CYP24A1: variants seen among roughly 807,000 people sequenced by gnomAD.
The protein encoded by CYP24A1 is 1,25-dihydroxyvitamin D(3) 24-hydroxylase, mitochondrial.
CYP24A1 carries 68 observed loss-of-function variants against 62.4 expected under a neutral mutation model. The observed-to-expected ratio is 1.09, with a 90% confidence interval of 0.90 to 1.33. The LOEUF (loss-of-function observed/expected upper bound fraction) is 1.33. Ranked by LOEUF, CYP24A1 falls within the 40% of genes most tolerant of loss-of-function variation. The pLI, the probability that CYP24A1 is intolerant of heterozygous loss-of-function variation, is 0.00. For synonymous variants in CYP24A1, 267 were observed against 253.0 expected (o/e 1.06, Z -0.52); for missense variants, 787 against 653.0 (o/e 1.21, Z -2.24).
At chr20:54,166,152 C>A (rs3787555) in intron 4 of CYP24A1, among the ~76,000 whole-genome samples, 35,610 of 152,078 alleles carry the variant, frequency 0.23, 4,769 homozygotes, top group East Asian at 0.62. Flanking sequence ...GGTCTGCACT[C>A]TGCCTCTAAC....
the CYP24A1 span, among the ~76,000 whole-genome samples, chr20:54,147,040 A>G: frequency 6.6e-6 from 1 of 152,222 alleles, no homozygotes; most frequent in Non-Finnish European, 1.5e-5. Context: ...TGATAGATTC[A>G]TTGACTGACC....
chr20:54,144,359 C>G, the CYP24A1 span, among the ~76,000 whole-genome samples: 1 of 151,892 alleles, frequency 6.6e-6, no homozygotes, highest in African/African-American at 2.4e-5. Context: ...AAGTGATCCT[C>G]CTACCTCAGT....
At position 54,173,356 on chromosome 20, in the gene CYP24A1, C is replaced by T; in HGVS notation, c.224G>A (p.Trp75Ter). The change falls in exon 1 of 12, where the codon TGG (tryptophan) becomes TAG (stop). Residue 75 changes from tryptophan (W) to a stop codon, truncating the protein, a stop_gained. Transcript: ENST00000216862. LOFTEE classifies it high-confidence loss of function. This position sits in a 1 kb window ranked among gnomAD's most constrained non-coding sequence, Gnocchi z 7.2. ...GTGCTGTTTCTTGAGACCCCCTTTCCAGAGAATCTGCAGCAGGCTGCCCAG... is the reference window on the plus strand; with the variant it reads ...GTGCTGTTTCTTGAGACCCCCTTTCTAGAGAATCTGCAGCAGGCTGCCCAG... ...PLLGSLLQIL[W>*]KGGLKKQHDT... 2 of 1,606,296 alleles carry T rather than the reference C, an allele frequency of 1.2e-6. No individual in the cohort carries two copies. Among genetic ancestry groups the T allele is most frequent in the Non-Finnish European group, 8.5e-7 (1 of 1,175,854 alleles).
chr20:54,149,955 C>T (rs910296258), downstream of CYP24A1, among the ~76,000 whole-genome samples: 1 of 152,100 alleles, frequency 6.6e-6, no homozygotes, highest in African/African-American at 2.4e-5. Flanking sequence ...GTTGTTTTCA[C>T]CCACTAGAGC....
At chr20:54,146,426 C>A in the CYP24A1 span, among the ~76,000 whole-genome samples, 2 of 152,168 alleles carry the variant, frequency 1.3e-5, no homozygotes, top group Non-Finnish European at 2.9e-5. Flanking sequence ...ATCCAGAGGA[C>A]CGCTACCGGT....
intron 7 of CYP24A1, among the ~76,000 whole-genome samples, chr20:54,160,757 C>A (rs1436223388): frequency 6.6e-6 from 1 of 152,206 alleles, no homozygotes; most frequent in Non-Finnish European, 1.5e-5. Context: ...TCCCTCACCG[C>A]AAGTACCAAA....
At chr20:54,162,303 T>C (rs1014864296) in intron 7 of CYP24A1, among the ~76,000 whole-genome samples, 1 of 133,338 alleles carries the variant, frequency 7.5e-6, no homozygotes, top group Admixed American at 8.4e-5. Flanking sequence ...CATGTGCAAC[T>C]GAACAAAATA....
At chr20:54,155,786 A>T (rs2092625878) in intron 11 of CYP24A1, among the ~76,000 whole-genome samples, 1 of 151,618 alleles carries the variant, frequency 6.6e-6, no homozygotes, top group Non-Finnish European at 1.5e-5. Context: ...CTAACTTTTG[A>T]TCACTTCAAT....
At chr20:54,151,025 A>AT (rs941860613), downstream of CYP24A1, among the ~76,000 whole-genome samples, 21 of 152,020 alleles carry the variant, frequency 1.4e-4, no homozygotes, top group East Asian at 7.7e-4. Context: ...TGGGAAATTA[A>AT]TTTTTTTTTA....
intron 4 of CYP24A1, among the ~76,000 whole-genome samples, chr20:54,167,021 G>A (rs577611537): frequency 6.6e-6 from 1 of 152,046 alleles, no homozygotes; most frequent in African/African-American, 2.4e-5. Flanking sequence ...ACCCTAGCCT[G>A]AGTGACACAG....
intron 4 of CYP24A1, among the ~76,000 whole-genome samples, chr20:54,168,846 T>TCCTCCTTCCTTC (rs2092682979): frequency 4.6e-5 from 2 of 43,436 alleles, no homozygotes; most frequent in African/African-American, 1.9e-4. Flanking sequence ...CTCCCTCCCT[T>TCCTCCTTCCTTC]CTTCCTTCCT....
At chr20:54,163,787 T>C (rs149837521) in intron 6 of CYP24A1, among the ~76,000 whole-genome samples, 20 of 151,870 alleles carry the variant, frequency 1.3e-4, no homozygotes, top group African/African-American at 4.1e-4. Context: ...AACAGTTACA[T>C]TGAGGTAGGT....
chr20:54,161,923 T>G (rs532297578), intron 7 of CYP24A1, among the ~76,000 whole-genome samples: 1 of 152,210 alleles, frequency 6.6e-6, no homozygotes, highest in African/African-American at 2.4e-5. Context: ...TTAGAGACTT[T>G]AAGGTGCATG....
intron 6 of CYP24A1, 85 bp downstream of exon 6, chr20:54,164,367 G>A (rs1205729442): frequency 1.2e-6 from 2 of 1,611,284 alleles, no homozygotes; most frequent in South Asian, 1.1e-5. Context: ...TGAGGCTCAG[G>A]AGATCACTCC....
At chr20:54,160,579 C>T (rs909086899) in intron 7 of CYP24A1, among the ~76,000 whole-genome samples, 3 of 152,208 alleles carry the variant, frequency 2.0e-5, no homozygotes, top group East Asian at 1.9e-4. Flanking sequence ...CTGGCAGCCT[C>T]GGCTGCAAAT....
Position 54,173,627 on chromosome 20 carries a change from G to A in CYP24A1, c.-48C>T. ...CGGGAAGGCAGGAGGATGGGGTGGG[G>A]CGAGGTTGGTACGAGGTGCTAGTGG... is the stretch of plus-strand genomic sequence containing the variant. On this transcript the variant is annotated 5_prime_UTR_variant, in exon 1 of 12. Transcript: ENST00000216862. The surrounding 1 kb of genome is among the most constrained non-coding windows in gnomAD (Gnocchi z 7.2). 3 of 1,457,994 alleles carry A rather than the reference G, an allele frequency of 2.1e-6. No homozygotes were observed. Among genetic ancestry groups the A allele is most frequent in the Non-Finnish European group, 2.8e-6 (3 of 1,072,982 alleles). The allele number at this position is 1,457,994 out of a possible 1,614,324, so 90.3% of individuals were successfully genotyped here. A position where few individuals can be genotyped will look rare whatever the true frequency, so the allele number is the denominator to read the frequency against.
intron 4 of CYP24A1, among the ~76,000 whole-genome samples, chr20:54,166,292 G>A (rs984980138): frequency 2.6e-5 from 4 of 152,164 alleles, no homozygotes; most frequent in African/African-American, 9.7e-5. Flanking sequence ...CAGGTACTGG[G>A]CTAGCACTTC....
chr20:54,151,531 AT>A (rs2092612388), downstream of CYP24A1, among the ~76,000 whole-genome samples: 4 of 151,508 alleles, frequency 2.6e-5, no homozygotes, highest in South Asian at 8.3e-4. Flanking sequence ...AATCCCATCA[AT>A]TTTGTATACT....
In CYP24A1 at chr20:54,162,856, GC is replaced by G; in HGVS notation, c.850del (p.Ala284LeufsTer7). 6.4e-7 allele frequency: 1 copy of G among 1,568,332 alleles called. No individual in the cohort carries two copies. The highest frequency in any genetic ancestry group is 8.8e-7 in the Non-Finnish European group (1 of 1,138,542). ...CTTCTCTAACCGGTTGTCGATACAAGCTTTGACTATTAGAGCAGAGAAGAAA... is the reference window on the plus strand; with the variant it reads ...CTTCTCTAACCGGTTGTCGATACAAGTTTGACTATTAGAGCAGAGAAGAAA... The part of the protein sequence containing the change: ...AWDTIFKSVK[A>X]CIDNRLEKYS... On this transcript the variant is annotated frameshift_variant, in exon 7 of 12. Coordinates refer to ENST00000216862, the MANE Select transcript of CYP24A1 (RefSeq NM_000782.5). LOFTEE classifies it high-confidence loss of function.
Sources: allele counts gnomAD v4.1 joint callset (sites outside exome capture counted in the v4.1 genomes callset), GRCh38; gene constraint gnomAD v4.1.1; non-coding constraint Gnocchi (gnomAD v3.1); transcripts MANE v1.5; gene names NCBI Gene and HGNC (gene_info 2026-07-23, HGNC 2026-07-21).